RMST: variants seen among roughly 807,000 people sequenced by gnomAD.
RMST encodes long intergenic non-protein coding RNA 54.
At chr12:97,563,809 C>A (rs1319755570) in intron 13 of RMST, 1 of 504,526 alleles carries the variant, frequency 2.0e-6, no homozygotes. Flanking sequence ...TTGCATCCGA[C>A]CAAGATAAAT....
At chr12:97,467,149 G>A (rs1034185889) in intron 5 of RMST, among the ~76,000 whole-genome samples, 2 of 151,984 alleles carry the variant, frequency 1.3e-5, no homozygotes. Flanking sequence ...AATAAAAAGT[G>A]CATGTAAATA....
intron 11 of RMST, among the ~76,000 whole-genome samples, chr12:97,539,058 A>G (rs1438872896): frequency 6.6e-6 from 1 of 151,484 alleles, no homozygotes; most frequent in Non-Finnish European, 1.5e-5. Context: ...TAATTTTAAC[A>G]TATTATTGCT....
At chr12:97,562,211 A>G (rs535995384) in intron 13 of RMST, among the ~76,000 whole-genome samples, 1 of 152,194 alleles carries the variant, frequency 6.6e-6, no homozygotes, top group Non-Finnish European at 1.5e-5. Context: ...TTGTAGAAAG[A>G]ACCCGCTACC....
intron 10 of RMST, among the ~76,000 whole-genome samples, chr12:97,518,824 T>C (rs960139177): frequency 6.6e-6 from 1 of 152,064 alleles, no homozygotes; most frequent in Non-Finnish European, 1.5e-5. Flanking sequence ...CAGGCTGGAG[T>C]GCAGTGGTGC....
At chr12:97,547,697 A>C (rs1883039579) in intron 11 of RMST, among the ~76,000 whole-genome samples, 1 of 152,146 alleles carries the variant, frequency 6.6e-6, no homozygotes, top group Admixed American at 6.6e-5. Context: ...TCTTCTTTTG[A>C]GAAATGTCTA....
intron 11 of RMST, among the ~76,000 whole-genome samples, chr12:97,554,934 G>C (rs935469867): frequency 6.6e-6 from 1 of 152,172 alleles, no homozygotes; most frequent in African/African-American, 2.4e-5. Flanking sequence ...ATGAAAGCAG[G>C]CAGCTGGGTC....
At chr12:97,471,324 T>A (rs1195826869) in intron 5 of RMST, among the ~76,000 whole-genome samples, 1 of 152,104 alleles carries the variant, frequency 6.6e-6, no homozygotes, top group African/African-American at 2.4e-5. Flanking sequence ...AACCAGTGAC[T>A]GTAACAGGTT....
At chr12:97,495,664 A>G (rs1289538978) in intron 9 of RMST, among the ~76,000 whole-genome samples, 1 of 152,134 alleles carries the variant, frequency 6.6e-6, no homozygotes, top group Non-Finnish European at 1.5e-5. Flanking sequence ...TGGGTTAAGT[A>G]TAGCTTATGA....
At chr12:97,474,576 C>G (rs1279260669) in intron 5 of RMST, among the ~76,000 whole-genome samples, 1 of 124,668 alleles carries the variant, frequency 8.0e-6, no homozygotes, top group Non-Finnish European at 1.6e-5. Flanking sequence ...TCTGACCTAC[C>G]TTTAAAAATA....
intron 10 of RMST, among the ~76,000 whole-genome samples, chr12:97,500,649 G>C (rs1013149398): frequency 6.6e-6 from 1 of 152,110 alleles, no homozygotes; most frequent in Non-Finnish European, 1.5e-5. Context: ...TTTTCCCCTA[G>C]GATCCTGGGA....
chr12:97,465,999 A>G (rs1222429453), intron 5 of RMST, among the ~76,000 whole-genome samples: 2 of 152,122 alleles, frequency 1.3e-5, no homozygotes, highest in Admixed American at 1.3e-4. Context: ...GACAATGATC[A>G]TTTTGGAGAT....
At chr12:97,463,627 G>T (rs1302852677) in intron 4 of RMST, among the ~76,000 whole-genome samples, 3 of 152,176 alleles carry the variant, frequency 2.0e-5, no homozygotes, top group Non-Finnish European at 4.4e-5. Context: ...TTCAAGGGAT[G>T]CTCTTTCATT....
intron 11 of RMST, among the ~76,000 whole-genome samples, chr12:97,557,919 A>G (rs944117343): frequency 1.3e-5 from 2 of 152,208 alleles, no homozygotes; most frequent in Admixed American, 1.3e-4. Flanking sequence ...CCAATAAGAC[A>G]GGCACAACTA....
At chr12:97,504,333 G>T (rs1036550191) in intron 10 of RMST, among the ~76,000 whole-genome samples, 2 of 150,658 alleles carry the variant, frequency 1.3e-5, no homozygotes, top group African/African-American at 4.9e-5. Flanking sequence ...AAACCTGGGA[G>T]GCAGAGGTTG....
intron 5 of RMST, among the ~76,000 whole-genome samples, chr12:97,475,054 T>C (rs1455208906): frequency 6.6e-6 from 1 of 152,204 alleles, no homozygotes; most frequent in Non-Finnish European, 1.5e-5. Flanking sequence ...AGCTTTCATC[T>C]TGAAATATTT....
intron 10 of RMST, among the ~76,000 whole-genome samples, chr12:97,514,895 C>T (rs1445392511): frequency 2.0e-5 from 3 of 152,118 alleles, no homozygotes; most frequent in Non-Finnish European, 4.4e-5. Flanking sequence ...TACACAAACA[C>T]TGTCAAGAAT....
intron 11 of RMST, among the ~76,000 whole-genome samples, chr12:97,534,150 C>G (rs1881893310): frequency 1.3e-5 from 2 of 151,862 alleles, no homozygotes; most frequent in East Asian, 3.9e-4. Flanking sequence ...TAAACAAATA[C>G]GTTGTTCTGT....
intron 10 of RMST, among the ~76,000 whole-genome samples, chr12:97,511,400 C>T (rs1015748820): frequency 7.9e-5 from 12 of 152,140 alleles, no homozygotes; most frequent in Non-Finnish European, 1.3e-4. Flanking sequence ...CCACCTGCCT[C>T]GGCCTCCCAA....
At chr12:97,475,577 CT>C (rs895357379) in intron 5 of RMST, among the ~76,000 whole-genome samples, 7 of 126,934 alleles carry the variant, frequency 5.5e-5, no homozygotes, top group Non-Finnish European at 1.0e-4. Flanking sequence ...ACCTTAGTAT[CT>C]TTTTTTTTGT....
Sources: gnomAD v4.1 joint callset for allele counts (sites outside exome capture counted in the v4.1 genomes callset) on GRCh38, gnomAD v4.1.1 for gene constraint, MANE v1.5 for transcripts, NCBI Gene and HGNC (gene_info 2026-07-23, HGNC 2026-07-21) for gene names.